Variants in MYO16 observed in about 807,000 individuals in gnomAD.
MYO16 encodes unconventional myosin-XVI.
In MYO16, 94 loss-of-function variants were observed where a neutral mutation model predicts 205.3. That is an observed-to-expected ratio of 0.46 (90% CI 0.39 to 0.54). The LOEUF is 0.54. Ranked by LOEUF, MYO16 falls within the 20% of genes least tolerant of loss-of-function variation. The pLI is 0.00. For missense variants in MYO16, 2,315 were observed against 2,387.5 expected, an observed-to-expected ratio of 0.97 and a Z score of 0.63; for synonymous variants, 988 against 954.0, an observed-to-expected ratio of 1.04 and a Z score of -0.66.
At chr13:109,117,396 A>ATG (rs926348297) in intron 28 of MYO16, among the ~76,000 whole-genome samples, 11 of 146,764 alleles carry the variant, frequency 7.5e-5, no homozygotes, top group Non-Finnish European at 1.2e-4. Context: ...GTGTGTATAT[A>ATG]TGTATATATA....
Position 108,661,735 on chromosome 13 carries a change from G to T in MYO16, c.29-4151G>T, listed in dbSNP as rs560740943. 6.6e-5 allele frequency among the ~76,000 whole-genome samples: 10 copies of T among 151,838 alleles called. No individual in the cohort carries two copies. The East Asian group carries it at 1.6e-3, about 24-fold the overall frequency. ...CTTGCATTGGGCTTTCACTTTCTCTGGTCTCTCCCTGATTAGCTTAATAAC... is the reference window on the plus strand; with the variant it reads ...CTTGCATTGGGCTTTCACTTTCTCTTGTCTCTCCCTGATTAGCTTAATAAC... On this transcript the variant is annotated intron_variant, in intron 1 of 34. Coordinates refer to ENST00000457511, the MANE Select transcript of MYO16 (RefSeq NM_001198950.3).
intron 16 of MYO16, among the ~76,000 whole-genome samples, chr13:108,938,954 T>C (rs902090235): frequency 1.3e-5 from 2 of 152,110 alleles, no homozygotes; most frequent in Non-Finnish European, 2.9e-5. Context: ...GACTCACCGC[T>C]CAGGAGAAAC....
At chr13:108,846,544 TTAA>T (rs1272411995) in intron 10 of MYO16, among the ~76,000 whole-genome samples, 5 of 151,930 alleles carry the variant, frequency 3.3e-5, no homozygotes, top group African/African-American at 1.2e-4. Flanking sequence ...TATTTTATTT[TTAA>T]TAATTTGTTT....
intron 13 of MYO16, among the ~76,000 whole-genome samples, chr13:108,887,776 CT>C (rs1292640579): frequency 9.9e-5 from 15 of 152,218 alleles, no homozygotes; most frequent in African/African-American, 3.6e-4. Context: ...ACCTTACTGC[CT>C]TAGTTTTTGT....
intron 11 of MYO16, among the ~76,000 whole-genome samples, 173 bp downstream of exon 11, chr13:108,855,726 G>A (rs1195842534): frequency 6.6e-6 from 1 of 152,140 alleles, no homozygotes; most frequent in Non-Finnish European, 1.5e-5. Context: ...TCAGTTATAA[G>A]GCAAATTCAG....
At chr13:109,130,750 T>C (rs745347318) in intron 31 of MYO16, among the ~76,000 whole-genome samples, 1 of 152,204 alleles carries the variant, frequency 6.6e-6, no homozygotes, top group Non-Finnish European at 1.5e-5. Context: ...AGTGATGAAA[T>C]TGATCCTAGC....
At chr13:108,860,500 A>T (rs1043724721) in intron 11 of MYO16, among the ~76,000 whole-genome samples, 1 of 152,192 alleles carries the variant, frequency 6.6e-6, no homozygotes, top group African/African-American at 2.4e-5. Context: ...TGGTAGAGTG[A>T]TTTATAATTC....
At chr13:109,076,436 T>C (rs896823562) in intron 27 of MYO16, among the ~76,000 whole-genome samples, 3 of 152,200 alleles carry the variant, frequency 2.0e-5, no homozygotes, top group Admixed American at 2.0e-4. Context: ...GTGTTCACCA[T>C]GGCCTGGAGT....
chr13:108,749,013 C>T (rs899289591), intron 4 of MYO16, among the ~76,000 whole-genome samples: 6 of 151,912 alleles, frequency 3.9e-5, no homozygotes, highest in Admixed American at 3.3e-4. Context: ...TCTGATAATA[C>T]TCTTTTTTCA....
chr13:108,524,140 T>C, the MYO16 span, among the ~76,000 whole-genome samples: 2 of 29,244 alleles, frequency 6.8e-5, no homozygotes, highest in Non-Finnish European at 1.5e-4. Context: ...CTACTAAAAA[T>C]ACAAAAAAAA....
chr13:108,918,869 G>A, intron 16 of MYO16, among the ~76,000 whole-genome samples: 1 of 151,734 alleles, frequency 6.6e-6, no homozygotes, highest in East Asian at 1.9e-4. Context: ...AACCTGGGAG[G>A]AGGTGGGGGT....
At chr13:108,885,339 C>G (rs750341996) in intron 13 of MYO16, among the ~76,000 whole-genome samples, 2 of 152,076 alleles carry the variant, frequency 1.3e-5, no homozygotes, top group Non-Finnish European at 2.9e-5. Flanking sequence ...AGGCTGGTCT[C>G]GAACTCCTGA....
At chr13:108,547,537 C>G in the MYO16 span, among the ~76,000 whole-genome samples, 1 of 152,086 alleles carries the variant, frequency 6.6e-6, no homozygotes, top group Non-Finnish European at 1.5e-5. Flanking sequence ...CCAGCGCACA[C>G]CACTCTGTAT....
chr13:109,138,499 T>C (rs941464715), intron 31 of MYO16, among the ~76,000 whole-genome samples: 4 of 152,178 alleles, frequency 2.6e-5, no homozygotes, highest in Non-Finnish European at 4.4e-5. Context: ...TAATTTTCAA[T>C]TGTTTTAAAC....
At chr13:108,591,915 G>A (rs1878409240), upstream of MYO16, among the ~76,000 whole-genome samples, 1 of 152,070 alleles carries the variant, frequency 6.6e-6, no homozygotes, top group Admixed American at 6.5e-5. Flanking sequence ...ATGCTCAGGA[G>A]AACTTTTCTA....
chr13:109,043,555 G>A (rs1886947551), intron 23 of MYO16, among the ~76,000 whole-genome samples: 1 of 152,166 alleles, frequency 6.6e-6, no homozygotes, highest in Non-Finnish European at 1.5e-5. Flanking sequence ...TTTAATGTAT[G>A]CATCAAATAG....
intron 1 of MYO16, among the ~76,000 whole-genome samples, chr13:108,658,182 T>C (rs1881328709): frequency 6.6e-6 from 1 of 152,126 alleles, no homozygotes; most frequent in African/African-American, 2.4e-5. Flanking sequence ...GTTAAATCAT[T>C]TGGGTCATTT....
At chr13:108,852,672 C>T (rs905578651) in intron 10 of MYO16, among the ~76,000 whole-genome samples, 3 of 152,126 alleles carry the variant, frequency 2.0e-5, no homozygotes, top group Admixed American at 2.0e-4. Context: ...TCCCTCCCGC[C>T]AACAGCTCCA....
intron 1 of MYO16, among the ~76,000 whole-genome samples, chr13:108,599,425 C>T (rs1343202312): frequency 6.6e-6 from 1 of 151,962 alleles, no homozygotes; most frequent in Non-Finnish European, 1.5e-5. Flanking sequence ...ACACTGACTT[C>T]CACAATGGTT....
Sources: allele counts gnomAD v4.1 joint callset (sites outside exome capture counted in the v4.1 genomes callset), GRCh38; gene constraint gnomAD v4.1.1; transcripts MANE v1.5; gene names NCBI Gene and HGNC (gene_info 2026-07-23, HGNC 2026-07-21).